NPSR1: variants seen among roughly 807,000 people sequenced by gnomAD.
NPSR1 encodes the protein neuropeptide S receptor 1.
Under a neutral mutation model 46.9 loss-of-function variants are expected in NPSR1, and 48 were observed. The observed-to-expected ratio is 1.02, with a 90% CI of 0.81 to 1.30. The LOEUF (loss-of-function observed/expected upper bound fraction) is 1.30. Among genes scored for constraint, NPSR1 ranks in the 50% most tolerant of loss-of-function variants. NPSR1 has a pLI of 0.00. For missense variants in NPSR1, 450 were observed against 449.5 expected, an observed-to-expected ratio of 1.00 and a Z score of -0.01; for synonymous variants, 176 against 168.1, an observed-to-expected ratio of 1.05 and a Z score of -0.36.
At position 34,806,136 on chromosome 7, in the gene NPSR1, C is replaced by G. The variant is rs146737171; in HGVS notation, c.385-5634C>G. Among the ~76,000 whole-genome samples the G allele has an allele frequency of 5.9e-5, 9 of 152,154 alleles. No individual in the cohort carries two copies. In the South Asian group the frequency reaches 8.3e-4, roughly 14 times the overall value. ...GATAATTTAGCAGTTTCTTACAAAA[C>G]TAAGCATGGTCTTACCATACAACCC... On this transcript the variant is annotated intron_variant, in intron 3 of 8. Transcript: ENST00000360581.
At chr7:34,664,834 C>A (rs956998053) in intron 1 of NPSR1, among the ~76,000 whole-genome samples, 17 of 152,224 alleles carry the variant, frequency 1.1e-4, no homozygotes, top group African/African-American at 4.1e-4. Flanking sequence ...TTTTCCAGGC[C>A]ACAGATGGCA....
intron 8 of NPSR1, 123 bp downstream of exon 8, chr7:34,848,786 G>A: frequency 1.2e-6 from 1 of 830,090 alleles, no homozygotes; most frequent in Non-Finnish European, 1.9e-6. Context: ...TTATAGATGA[G>A]AGGCTTGAGA....
chr7:34,747,833 A>G (rs553073482), intron 2 of NPSR1, among the ~76,000 whole-genome samples: 1 of 152,346 alleles, frequency 6.6e-6, no homozygotes, highest in East Asian at 1.9e-4. Context: ...TTATACAACT[A>G]CAAACAAATA....
At chr7:34,870,189 C>G (rs1248457272) in intron 8 of NPSR1, among the ~76,000 whole-genome samples, 2 of 151,864 alleles carry the variant, frequency 1.3e-5, no homozygotes, top group Non-Finnish European at 2.9e-5. Context: ...ACCATGCGCA[C>G]ACCCAGAACA....
intron 2 of NPSR1, among the ~76,000 whole-genome samples, chr7:34,724,178 T>C (rs1205836573): frequency 1.3e-5 from 2 of 152,210 alleles, no homozygotes; most frequent in East Asian, 3.8e-4. Context: ...TTATCTCCTA[T>C]AACTAGATAT....
chr7:34,854,326 T>G (rs979598577), downstream of NPSR1, among the ~76,000 whole-genome samples: 3 of 152,174 alleles, frequency 2.0e-5, no homozygotes, highest in Non-Finnish European at 4.4e-5. Context: ...CTAGTAATTA[T>G]AAGTGCAAAG....
intron 3 of NPSR1, among the ~76,000 whole-genome samples, chr7:34,798,186 C>T (rs1788274144): frequency 1.3e-5 from 2 of 152,108 alleles, no homozygotes; most frequent in African/African-American, 4.8e-5. Context: ...AGCAATAATG[C>T]ATTGGTAATC....
At chr7:34,839,919 C>T (rs1790505307) in intron 6 of NPSR1, among the ~76,000 whole-genome samples, 1 of 152,082 alleles carries the variant, frequency 6.6e-6, no homozygotes, top group Non-Finnish European at 1.5e-5. Context: ...CTACACACTG[C>T]TGGAAGGCAG....
In NPSR1 at chr7:34,792,785, G is replaced by A. The variant is rs180878824; in HGVS notation, c.384+14220G>A. Among the ~76,000 whole-genome samples, 41 of 141,026 alleles carry A rather than the reference G, an allele frequency of 2.9e-4. No individual in the cohort carries two copies. The East Asian group carries it at 6.8e-3, about 23-fold the overall frequency. The allele number at this position is 141,026 out of a possible 152,430, so 92.5% of individuals were successfully genotyped here. A position where few individuals can be genotyped will look rare whatever the true frequency, so the allele number is the denominator to read the frequency against. On this transcript the variant is annotated intron_variant, in intron 3 of 8. Coordinates refer to ENST00000360581, the MANE Select transcript of NPSR1 (RefSeq NM_207172.2). ...TGTAGTCCCAGCTACTCAGGAGGCT[G>A]AGGTAGTAGGATTGCTTGAACCCGG... is the stretch of plus-strand genomic sequence containing the variant.
intron 3 of NPSR1, among the ~76,000 whole-genome samples, chr7:34,791,115 AATATAAT>A (rs1333443090): frequency 2.1e-4 from 13 of 62,238 alleles, no homozygotes; most frequent in Non-Finnish European, 3.5e-4. Flanking sequence ...TATGTTATAT[AATATAAT>A]ATATATGTTA....
chr7:34,779,721 G>A (rs1232796993), intron 3 of NPSR1: 6 of 428,450 alleles, frequency 1.4e-5, no homozygotes, highest in East Asian at 4.4e-5. Context: ...TCTTTCTGAG[G>A]ATATTTGCTT....
chr7:34,771,706 A>T (rs1394767020), intron 2 of NPSR1, among the ~76,000 whole-genome samples: 1 of 152,210 alleles, frequency 6.6e-6, no homozygotes, highest in Non-Finnish European at 1.5e-5. Context: ...GCAGTCGAGC[A>T]CTGACTTCTA....
At chr7:34,726,409 T>C (rs1160654834) in intron 2 of NPSR1, among the ~76,000 whole-genome samples, 1 of 152,176 alleles carries the variant, frequency 6.6e-6, no homozygotes, top group Non-Finnish European at 1.5e-5. Flanking sequence ...TCACTGCTGG[T>C]GGGAATGCGA....
chr7:34,729,369 A>G (rs1784314481), intron 2 of NPSR1, among the ~76,000 whole-genome samples: 1 of 152,220 alleles, frequency 6.6e-6, no homozygotes, highest in Non-Finnish European at 1.5e-5. Flanking sequence ...TTGAAAGATC[A>G]TGAAAAAATT....
chr7:34,804,324 C>A (rs325457), intron 3 of NPSR1, among the ~76,000 whole-genome samples: 1 of 151,850 alleles, frequency 6.6e-6, no homozygotes, highest in African/African-American at 2.4e-5. Context: ...AATTATAGTC[C>A]GTGGCCAAGT....
intron 4 of NPSR1, among the ~76,000 whole-genome samples, chr7:34,821,127 C>CA (rs1554335776): frequency 5.3e-5 from 5 of 94,854 alleles, no homozygotes; most frequent in South Asian, 3.8e-4. Flanking sequence ...TTGTGATACA[C>CA]TTTTTTTTTT....
At chr7:34,711,993 C>T (rs1380597492) in intron 2 of NPSR1, among the ~76,000 whole-genome samples, 1 of 152,200 alleles carries the variant, frequency 6.6e-6, no homozygotes, top group African/African-American at 2.4e-5. Context: ...ATTTACTTTC[C>T]CCATTAACTA....
At chr7:34,686,651 C>T (rs1210910762) in intron 2 of NPSR1, among the ~76,000 whole-genome samples, 1 of 152,078 alleles carries the variant, frequency 6.6e-6, no homozygotes, top group Non-Finnish European at 1.5e-5. Flanking sequence ...AATTCTTGCT[C>T]TCTCTCACCA....
chr7:34,802,671 C>G (rs1244511914), intron 3 of NPSR1, among the ~76,000 whole-genome samples: 1 of 150,298 alleles, frequency 6.7e-6, no homozygotes, highest in South Asian at 2.1e-4. Context: ...GACTTCATGT[C>G]TAAAACACCA....
Sources: allele counts gnomAD v4.1 joint callset (sites outside exome capture counted in the v4.1 genomes callset), GRCh38; gene constraint gnomAD v4.1.1; transcripts MANE v1.5; gene names NCBI Gene and HGNC (gene_info 2026-07-23, HGNC 2026-07-21).